ATG5: variants seen among roughly 807,000 people sequenced by gnomAD.
ATG5 encodes autophagy related 5, also known as autophagy protein 5.
ATG5 carries 14 observed loss-of-function variants against 36.5 expected under a neutral mutation model. The ratio of observed to expected loss-of-function variants is 0.38; its 90% confidence interval spans 0.25 to 0.60. ATG5 has a LOEUF of 0.60. Among genes scored for constraint, ATG5 ranks in the 20% least tolerant of loss-of-function variants. The pLI is 0.60. For synonymous variants in ATG5, 95 were observed against 101.5 expected (o/e 0.94, Z 0.38); for missense variants, 195 against 326.7 (o/e 0.60, Z 3.11).
chr6:106,250,613 T>C (rs1778536828), intron 5 of ATG5, among the ~76,000 whole-genome samples: 1 of 152,212 alleles, frequency 6.6e-6, no homozygotes, highest in Non-Finnish European at 1.5e-5. Flanking sequence ...AGTGTCTTTC[T>C]ACCATCAAGT....
At chr6:106,272,413 A>G (rs764598960) in intron 5 of ATG5, among the ~76,000 whole-genome samples, 4 of 152,190 alleles carry the variant, frequency 2.6e-5, no homozygotes, top group Non-Finnish European at 5.9e-5. Context: ...CCTGACTTCC[A>G]GTTTGACCTC....
At chr6:106,240,396 AAAGTT>A (rs1215810048) in intron 6 of ATG5, among the ~76,000 whole-genome samples, 1 of 145,796 alleles carries the variant, frequency 6.9e-6, no homozygotes, top group African/African-American at 2.5e-5. Context: ...TATAAAATAA[AAAGTT>A]AAGAAGAAAA....
intron 1 of ATG5, among the ~76,000 whole-genome samples, chr6:106,320,087 TG>T (rs1417158852): frequency 6.6e-6 from 1 of 152,256 alleles, no homozygotes; most frequent in Non-Finnish European, 1.5e-5. Context: ...GGATGTCAGA[TG>T]ATTTTTCTAA....
chr6:106,215,999 G>A (rs1246502922), intron 6 of ATG5, among the ~76,000 whole-genome samples: 1 of 152,172 alleles, frequency 6.6e-6, no homozygotes, highest in African/African-American at 2.4e-5. Context: ...TGCATGAAAA[G>A]ATGTTTAGCA....
At chr6:106,236,504 T>C (rs1777910154) in intron 6 of ATG5, among the ~76,000 whole-genome samples, 1 of 152,214 alleles carries the variant, frequency 6.6e-6, no homozygotes, top group Non-Finnish European at 1.5e-5. Context: ...GTTAATCTTT[T>C]TAGTACTGTC....
chr6:106,256,503 A>C (rs1430712057), intron 5 of ATG5, among the ~76,000 whole-genome samples: 1 of 152,200 alleles, frequency 6.6e-6, no homozygotes, highest in African/African-American at 2.4e-5. Context: ...GTAACAAAAA[A>C]CATAGTCATG....
intron 5 of ATG5, among the ~76,000 whole-genome samples, chr6:106,270,045 A>C (rs1009242874): frequency 1.3e-5 from 2 of 152,248 alleles, no homozygotes; most frequent in Non-Finnish European, 1.5e-5. Flanking sequence ...ACTCACTGCC[A>C]AGTCTACCCA....
chr6:106,295,992 T>C (rs1238949278), intron 3 of ATG5, among the ~76,000 whole-genome samples: 1 of 152,018 alleles, frequency 6.6e-6, no homozygotes. Context: ...AATGAGAAAA[T>C]TATAAATACA....
chr6:106,264,909 A>ATTG (rs1337781264), intron 5 of ATG5, among the ~76,000 whole-genome samples: 29 of 152,182 alleles, frequency 1.9e-4, no homozygotes, highest in African/African-American at 6.5e-4. Flanking sequence ...TATAAAGACC[A>ATTG]ACACTATGAA....
intron 6 of ATG5, among the ~76,000 whole-genome samples, chr6:106,210,623 T>C (rs1317288129): frequency 2.6e-5 from 4 of 152,214 alleles, no homozygotes; most frequent in Non-Finnish European, 5.9e-5. Context: ...ACACATATTC[T>C]AGCTCTGGAT....
chr6:106,198,259 C>T (rs899167718), intron 7 of ATG5, among the ~76,000 whole-genome samples: 1 of 152,074 alleles, frequency 6.6e-6, no homozygotes, highest in Non-Finnish European at 1.5e-5. Flanking sequence ...AAAATGGCAA[C>T]ACTGGTTGTC....
intron 6 of ATG5, among the ~76,000 whole-genome samples, chr6:106,241,739 C>CAAG (rs1778130591): frequency 6.6e-6 from 1 of 152,164 alleles, no homozygotes; most frequent in Non-Finnish European, 1.5e-5. Flanking sequence ...CTCCCTTGAG[C>CAAG]AAGAAAGAAT....
chr6:106,217,191 A>G (rs1454107234), intron 6 of ATG5, among the ~76,000 whole-genome samples: 1 of 152,164 alleles, frequency 6.6e-6, no homozygotes, highest in Non-Finnish European at 1.5e-5. Context: ...CAATTCAGAA[A>G]AATTACAAGT....
intron 5 of ATG5, among the ~76,000 whole-genome samples, chr6:106,261,227 C>T (rs919315152): frequency 6.6e-6 from 1 of 152,152 alleles, no homozygotes; most frequent in African/African-American, 2.4e-5. Flanking sequence ...CTTACTGCAA[C>T]GACAGCATAC....
chr6:106,237,851 G>A (rs1186536397), intron 6 of ATG5, among the ~76,000 whole-genome samples: 3 of 152,306 alleles, frequency 2.0e-5, no homozygotes, highest in South Asian at 2.1e-4. Context: ...TATTTTGTGA[G>A]AGGCATTGTG....
intron 5 of ATG5, among the ~76,000 whole-genome samples, chr6:106,277,685 A>G (rs1779714126): frequency 1.3e-5 from 2 of 152,202 alleles, no homozygotes; most frequent in Admixed American, 1.3e-4. Flanking sequence ...ATGTTGGCAC[A>G]TGCTTGTAAT....
chr6:106,281,493 T>G (rs1010076522), intron 4 of ATG5, among the ~76,000 whole-genome samples: 2 of 152,222 alleles, frequency 1.3e-5, no homozygotes, highest in Non-Finnish European at 2.9e-5. Flanking sequence ...TTCCTGTTAC[T>G]ACACATATCA....
chr6:106,292,928 G>T, intron 4 of ATG5, 100 bp downstream of exon 4: 1 of 920,984 alleles, frequency 1.1e-6, no homozygotes, highest in South Asian at 1.6e-5. Context: ...CAGTGTCAGG[G>T]GAAAAGCAAT....
intron 6 of ATG5, among the ~76,000 whole-genome samples, chr6:106,209,898 A>G (rs772688299): frequency 2.7e-4 from 41 of 152,292 alleles, no homozygotes; most frequent in Middle Eastern, 3.4e-3. Context: ...TTGTTAATCA[A>G]AGTTTTCTCT....
Sources: allele counts gnomAD v4.1 joint callset (sites outside exome capture counted in the v4.1 genomes callset), GRCh38; gene constraint gnomAD v4.1.1; transcripts MANE v1.5; gene names NCBI Gene and HGNC (gene_info 2026-07-23, HGNC 2026-07-21).